CHD6: variants seen among roughly 807,000 people sequenced by gnomAD.
CHD6 encodes chromodomain helicase DNA binding protein 6, also known as ATP-dependent chromatin remodeler CHD6.
A neutral mutation model predicts 276.9 loss-of-function variants in CHD6; 50 were observed. The ratio of observed to expected loss-of-function variants is 0.18; its 90% confidence interval spans 0.14 to 0.23. The LOEUF is 0.23. CHD6 is among the 10% of genes least tolerant of loss of function. The pLI is 1.00. For missense variants in CHD6, 2,564 were observed against 3,365.8 expected, an observed-to-expected ratio of 0.76 and a Z score of 5.89; for synonymous variants, 1,173 against 1,229.3, an observed-to-expected ratio of 0.95 and a Z score of 0.96.
intron 1 of CHD6, among the ~76,000 whole-genome samples, chr20:41,608,430 C>T (rs2045852118): frequency 6.6e-6 from 1 of 152,130 alleles, no homozygotes; most frequent in Non-Finnish European, 1.5e-5. Flanking sequence ...TTTTAGAGAA[C>T]ATTAAGAAAA....
chr20:41,484,414 G>A lies in CHD6; in HGVS notation c.2195C>T (p.Pro732Leu). The A allele has an allele frequency of 2.5e-6, 4 of 1,613,834 alleles. No individual in the cohort carries two copies. The highest frequency in any genetic ancestry group is 2.5e-6 in the Non-Finnish European group (3 of 1,179,844). Residue 732 changes from proline (P) to leucine (L), a missense_variant, in exon 15 of 37, where the codon CCC (proline) becomes CTC (leucine). Coordinates refer to ENST00000373233, the MANE Select transcript of CHD6 (RefSeq NM_032221.5). ...LTKGANQHNMPNLINTMMELR... is the reference protein window; with the variant it reads ...LTKGANQHNMLNLINTMMELR... ...CTCCATCATGGTGTTGATGAGATTG[G>A]GCATGTTGTGCTGATTTGCCCCCTT...
At chr20:41,419,554 CAAAAAAAAAAAAAAAAAAAAA>C (rs58696183) in intron 31 of CHD6, among the ~76,000 whole-genome samples, 35 of 23,468 alleles carry the variant, frequency 1.5e-3, no homozygotes, top group Non-Finnish European at 1.9e-3. Flanking sequence ...GACTCTGTCT[CAAAAAAAAAAAAAAAAAAAAA>C]AAAAAAAAAA....
chr20:41,514,172 C>G (rs1476089774), intron 4 of CHD6, among the ~76,000 whole-genome samples: 2 of 152,234 alleles, frequency 1.3e-5, no homozygotes, highest in Non-Finnish European at 2.9e-5. Context: ...TATAGTACGT[C>G]AGTCTTATTC....
intron 1 of CHD6, among the ~76,000 whole-genome samples, chr20:41,586,488 C>T (rs141332836): frequency 6.7e-4 from 102 of 152,324 alleles, no homozygotes; most frequent in African/African-American, 2.3e-3. Context: ...ATAGAACTCA[C>T]TGCGTGGGCC....
At chr20:41,494,583 G>T (rs565002384) in intron 8 of CHD6, among the ~76,000 whole-genome samples, 2 of 152,304 alleles carry the variant, frequency 1.3e-5, no homozygotes, top group South Asian at 4.1e-4. Context: ...TTACCTTACA[G>T]ATTAGGAAAC....
intron 2 of CHD6, among the ~76,000 whole-genome samples, chr20:41,538,464 A>G (rs1370530459): frequency 1.3e-5 from 2 of 152,228 alleles, no homozygotes; most frequent in African/African-American, 2.4e-5. Context: ...AAGGCCACAT[A>G]TTGTATAATT....
At position 41,421,976 on chromosome 20, in the gene CHD6, G is replaced by A. The variant is rs202156642; in HGVS notation, c.4659C>T (p.Leu1553=). The change falls in exon 31 of 37, where the codon CTC becomes CTT. Residue 1553 remains leucine, a synonymous_variant. Transcript: ENST00000373233. ...ELLRKVREQV[L]KCPQLHERLQ... ...GGCGTTCATGCAGCTGAGGGCACTT[G>A]AGCACTTGCTCTCGGACTTTCCGTA... 1.5e-5 allele frequency: 24 copies of A among 1,614,222 alleles called. No homozygotes were observed. In the Middle Eastern group the frequency reaches 6.6e-4, roughly 44 times the overall value.
At chr20:41,453,230 C>CT (rs985440716) in intron 20 of CHD6, among the ~76,000 whole-genome samples, 3 of 152,144 alleles carry the variant, frequency 2.0e-5, no homozygotes, top group African/African-American at 7.2e-5. Context: ...AAGGCCCCCC[C>CT]CCAGTGACCA....
intron 1 of CHD6, among the ~76,000 whole-genome samples, chr20:41,555,216 CGGCTGGCCGGGTGGGG>C (rs2045209571): frequency 7.5e-6 from 1 of 132,716 alleles, no homozygotes; most frequent in Non-Finnish European, 1.6e-5. Context: ...CCGGATGGGG[CGGCTGGCCGGGTGGGG>C]GGCTGACCCC....
Position 41,422,081 on chromosome 20 carries a change from T to C in CHD6, c.4556-2A>G, listed in dbSNP as rs2047213125. The C allele has an allele frequency of 2.5e-6, 4 of 1,599,684 alleles. No homozygotes were observed. The highest frequency in any genetic ancestry group is 3.4e-6 in the Non-Finnish European group (4 of 1,171,038). Reference sequence around the variant, plus strand: ...CGTAGATGGTGGTATCTGGGGGACCTGGAGAGAAAGGGAAATAAAGCCTAT... The same window carrying C: ...CGTAGATGGTGGTATCTGGGGGACCCGGAGAGAAAGGGAAATAAAGCCTAT... On this transcript the variant is annotated splice_acceptor_variant, in intron 30 of 36. Coordinates refer to ENST00000373233, the MANE Select transcript of CHD6 (RefSeq NM_032221.5). LOFTEE classifies it high-confidence loss of function.
intron 1 of CHD6, among the ~76,000 whole-genome samples, chr20:41,610,301 G>C (rs1052627235): frequency 6.6e-6 from 1 of 152,132 alleles, no homozygotes; most frequent in Non-Finnish European, 1.5e-5. Context: ...TTTACAAGTA[G>C]ATGGGGAGAG....
At chr20:41,472,353 T>C (rs2043074798) in intron 17 of CHD6, among the ~76,000 whole-genome samples, 1 of 152,062 alleles carries the variant, frequency 6.6e-6, no homozygotes, top group African/African-American at 2.4e-5. Flanking sequence ...CTGCATCCCT[T>C]CTCTTGCAGT....
rs1456474483 is a variant in CHD6, at chr20:41,455,683, G to C, written c.3009+117C>G. 1.3e-5 allele frequency: 9 copies of C among 685,384 alleles called. No homozygotes were observed. In the African/African-American group the frequency reaches 1.6e-4, roughly 12 times the overall value. The allele number at this position is 685,384 out of a possible 1,614,324, so 42.5% of individuals were successfully genotyped here. ...TTAGATAGTCACGCAGACTAAATGTGCAGCCAATTTCTAGGATTTGCATTC... is the reference window on the plus strand; with the variant it reads ...TTAGATAGTCACGCAGACTAAATGTCCAGCCAATTTCTAGGATTTGCATTC... On this transcript the variant is annotated intron_variant, in intron 19 of 36. Coordinates refer to ENST00000373233, the MANE Select transcript of CHD6 (RefSeq NM_032221.5).
At chr20:41,471,764 T>C (rs572248356) in intron 17 of CHD6, among the ~76,000 whole-genome samples, 2 of 152,202 alleles carry the variant, frequency 1.3e-5, no homozygotes, top group East Asian at 3.9e-4. Context: ...CTCAATCTCC[T>C]GACCTTGTGA....
chr20:41,551,300 C>G lies in CHD6; in HGVS notation c.33+5G>C. The G allele has an allele frequency of 6.8e-7, 1 of 1,478,638 alleles. No individual in the cohort carries two copies. Among genetic ancestry groups the G allele is most frequent in the Non-Finnish European group, 9.4e-7 (1 of 1,066,156 alleles). 91.6% of individuals were successfully genotyped at this position (1,478,638 alleles called of 1,614,324 possible). ...CATTCACTTAAAAGAAAAGTGATCACTTACCTGCTTCTCTTTTTTCTGTAT... is the reference window on the plus strand; with the variant it reads ...CATTCACTTAAAAGAAAAGTGATCAGTTACCTGCTTCTCTTTTTTCTGTAT... On this transcript the variant is annotated splice_donor_5th_base_variant and intron_variant, in intron 2 of 36. Coordinates refer to ENST00000373233, the MANE Select transcript of CHD6 (RefSeq NM_032221.5).
chr20:41,413,681 C>T (rs2235590), intron 34 of CHD6, 166 bp from the exon 35 acceptor site: 29,322 of 518,952 alleles, frequency 0.057, 2,315 homozygotes, highest in East Asian at 0.29. Context: ...CTGACCCACG[C>T]CCACATAAGC....
intron 17 of CHD6, chr20:41,459,531 G>C (rs1315506319): frequency 6.6e-6 from 1 of 152,392 alleles, no homozygotes; most frequent in Non-Finnish European, 1.5e-5. Context: ...TTGTGGGAGG[G>C]AGCCAGCGGG....
chr20:41,469,563 C>T (rs888245305), intron 17 of CHD6, among the ~76,000 whole-genome samples: 3 of 152,172 alleles, frequency 2.0e-5, no homozygotes, highest in African/African-American at 4.8e-5. Context: ...CTACTGTTAT[C>T]GTCCTGTGCC....
At chr20:41,419,735 T>C (rs576697857) in intron 31 of CHD6, among the ~76,000 whole-genome samples, 8 of 152,178 alleles carry the variant, frequency 5.3e-5, no homozygotes, top group Admixed American at 4.6e-4. Context: ...TTTTGGTTTT[T>C]TGTTCACCCT....
Sources: allele counts gnomAD v4.1 joint callset (sites outside exome capture counted in the v4.1 genomes callset), GRCh38; gene constraint gnomAD v4.1.1; transcripts MANE v1.5; gene names NCBI Gene and HGNC (gene_info 2026-07-23, HGNC 2026-07-21).